The following CDK14 variants were observed in gnomAD, a reference collection of about 807,000 sequenced individuals.
The protein encoded by CDK14 is cyclin-dependent kinase 14.
A neutral mutation model predicts 60.7 loss-of-function variants in CDK14; 34 were observed. The observed-to-expected ratio is 0.56, with a 90% CI of 0.43 to 0.75. The LOEUF is 0.75. Ranked by LOEUF, CDK14 falls within the 30% of genes least tolerant of loss-of-function variation. CDK14 has a pLI of 0.00. For missense variants in CDK14, 482 were observed against 564.1 expected (o/e 0.85, Z 1.47); for synonymous variants, 197 against 203.7 (o/e 0.97, Z 0.28).
intron 5 of CDK14, among the ~76,000 whole-genome samples, chr7:90,827,057 C>G (rs1789750180): frequency 6.6e-6 from 1 of 151,670 alleles, no homozygotes; most frequent in South Asian, 2.1e-4. Context: ...CATTGCTGCC[C>G]AACCCCCCAC....
chr7:91,149,548 T>G (rs1800768399), intron 14 of CDK14, among the ~76,000 whole-genome samples: 1 of 152,216 alleles, frequency 6.6e-6, no homozygotes, highest in South Asian at 2.1e-4. Flanking sequence ...GAACATATGT[T>G]ACAATCTTAG....
Position 90,813,703 on chromosome 7 carries a change from C to T in CDK14, c.544+23051C>T, listed in dbSNP as rs148433827. Among the ~76,000 whole-genome samples, 1,233 of 151,816 alleles carry T rather than the reference C, an allele frequency of 8.1e-3. 23 individuals carry two copies. Among genetic ancestry groups the T allele is most frequent in the African/African-American group, 0.028 (1,178 of 41,396 alleles). ...GGCAGAGGTTGCAGTGAGCTGAGAT[C>T]GCGCCACTACACTCCAGCCTGGGCA... is the stretch of plus-strand genomic sequence containing the variant. On this transcript the variant is annotated intron_variant, in intron 5 of 14. Transcript: ENST00000380050.
chr7:90,888,300 AG>A (rs1792015535), intron 6 of CDK14, among the ~76,000 whole-genome samples: 1 of 152,180 alleles, frequency 6.6e-6, no homozygotes, highest in Admixed American at 6.5e-5. Flanking sequence ...CAGTAAGCTG[AG>A]ATGGCACCAC....
chr7:90,977,487 GGGTT>G (rs1322273493), intron 9 of CDK14, among the ~76,000 whole-genome samples: 1 of 152,142 alleles, frequency 6.6e-6, no homozygotes, highest in Non-Finnish European at 1.5e-5. Flanking sequence ...TCAGTTCTGA[GGGTT>G]GGTTTCCTGA....
chr7:90,898,464 T>C (rs1171497816), intron 6 of CDK14, among the ~76,000 whole-genome samples: 1 of 152,128 alleles, frequency 6.6e-6, no homozygotes, highest in Admixed American at 6.6e-5. Flanking sequence ...AGGCCTGATA[T>C]TGGGGCACAA....
At chr7:90,986,265 A>C (rs1795369730) in intron 10 of CDK14, among the ~76,000 whole-genome samples, 1 of 152,092 alleles carries the variant, frequency 6.6e-6, no homozygotes, top group South Asian at 2.1e-4. Context: ...TTTTCATTAT[A>C]ATAAAATGCT....
intron 2 of CDK14, among the ~76,000 whole-genome samples, chr7:90,697,412 T>G (rs943249017): frequency 6.6e-6 from 1 of 152,156 alleles, no homozygotes; most frequent in African/African-American, 2.4e-5. Flanking sequence ...GCCAGCCTTG[T>G]CTTGAACTCC....
chr7:91,133,336 C>T (rs1382722866), intron 14 of CDK14, among the ~76,000 whole-genome samples: 1 of 152,000 alleles, frequency 6.6e-6, no homozygotes, highest in Non-Finnish European at 1.5e-5. Flanking sequence ...GTCTGTCTAA[C>T]CAAATTCCTT....
intron 3 of CDK14, among the ~76,000 whole-genome samples, chr7:90,734,991 G>C (rs918178998): frequency 1.3e-5 from 2 of 152,110 alleles, no homozygotes; most frequent in African/African-American, 4.8e-5. Context: ...TTCGGATGGG[G>C]TCTCTGAGTG....
At chr7:91,160,197 G>A (rs1055568561) in intron 14 of CDK14, among the ~76,000 whole-genome samples, 1 of 152,184 alleles carries the variant, frequency 6.6e-6, no homozygotes, top group African/African-American at 2.4e-5. Context: ...ATAATAGGGA[G>A]AAATGAATCA....
chr7:91,086,130 C>A (rs1798631708), intron 12 of CDK14, among the ~76,000 whole-genome samples: 1 of 152,226 alleles, frequency 6.6e-6, no homozygotes, highest in Non-Finnish European at 1.5e-5. Context: ...GGAAACACTA[C>A]ACTAAAGAGT....
rs1259797953 is a variant in CDK14, at chr7:91,002,948, T to TGTA, written c.1041+18710_1041+18712dup. 3.3e-5 allele frequency among the ~76,000 whole-genome samples: 5 copies of TGTA among 152,160 alleles called. No homozygotes were observed. In the South Asian group the frequency reaches 1.0e-3, roughly 32 times the overall value. On this transcript the variant is annotated intron_variant, in intron 10 of 14. Transcript: ENST00000380050. ...TTAGCCGGGCATGGTGGCGGGTGCC[T>TGTA]GTAGTCCCAGCTGTTTGGGAGGCTG...
intron 4 of CDK14, among the ~76,000 whole-genome samples, chr7:90,753,054 A>G (rs1803911037): frequency 6.6e-6 from 1 of 152,190 alleles, no homozygotes; most frequent in Non-Finnish European, 1.5e-5. Flanking sequence ...GCCAAGTTCT[A>G]CCAGAAGTGC....
chr7:91,111,470 C>T (rs895309391), intron 12 of CDK14, among the ~76,000 whole-genome samples: 3 of 152,166 alleles, frequency 2.0e-5, no homozygotes, highest in Non-Finnish European at 2.9e-5. Flanking sequence ...GTTTCAGAAA[C>T]TGGAGAATCC....
At chr7:90,647,297 A>G (rs1800490548) in intron 2 of CDK14, among the ~76,000 whole-genome samples, 1 of 152,104 alleles carries the variant, frequency 6.6e-6, no homozygotes, top group African/African-American at 2.4e-5. Context: ...AAATATTTTT[A>G]TAACCTCTGT....
intron 2 of CDK14, among the ~76,000 whole-genome samples, chr7:90,693,563 T>C (rs549433358): frequency 1.3e-5 from 2 of 152,276 alleles, no homozygotes; most frequent in Non-Finnish European, 2.9e-5. Flanking sequence ...TTCAGGTAAG[T>C]AGAGCGGGAG....
chr7:90,621,582 A>G (rs1799765849), intron 2 of CDK14, among the ~76,000 whole-genome samples: 1 of 151,962 alleles, frequency 6.6e-6, no homozygotes, highest in Non-Finnish European at 1.5e-5. Flanking sequence ...GGAGTCTTTT[A>G]GGTGAATTTG....
chr7:90,779,276 G>T (rs1332125521), intron 4 of CDK14, among the ~76,000 whole-genome samples: 2 of 152,048 alleles, frequency 1.3e-5, no homozygotes, highest in Admixed American at 1.3e-4. Context: ...AATATAAAAA[G>T]ATGTGCATGC....
chr7:90,961,602 C>A lies in CDK14; in HGVS notation c.947+5785C>A, dbSNP rs191102932. Among the ~76,000 whole-genome samples, 250 of 152,256 alleles carry A rather than the reference C, an allele frequency of 1.6e-3. 2 individuals are homozygous for A. The highest frequency in any genetic ancestry group is 5.8e-3 in the African/African-American group (242 of 41,556). On this transcript the variant is annotated intron_variant, in intron 9 of 14. Transcript: ENST00000380050. ...TTTCTAATTAATCAGGTCATAAGAC[C>A]AAGGAACATATGAATTAGTTACTGT...
Sources: allele counts gnomAD v4.1 joint callset (sites outside exome capture counted in the v4.1 genomes callset), GRCh38; gene constraint gnomAD v4.1.1; transcripts MANE v1.5; gene names NCBI Gene and HGNC (gene_info 2026-07-23, HGNC 2026-07-21).